Variants in RPL28 observed in about 807,000 individuals in gnomAD.
RPL28 encodes ribosomal protein L28.
In RPL28, 4 loss-of-function variants were observed where a neutral mutation model predicts 12.5. The observed-to-expected ratio is 0.32, with a 90% CI of 0.16 to 0.73. The LOEUF is 0.73. Ranked by LOEUF, RPL28 falls within the 30% of genes least tolerant of loss-of-function variation. The probability of loss-of-function intolerance (pLI) is 0.66; values close to 1 mark genes in which losing one functional copy is unlikely to be tolerated. For synonymous variants in RPL28, 91 were observed against 72.5 expected, an observed-to-expected ratio of 1.26 and a Z score of -1.30; for missense variants, 214 against 197.7, an observed-to-expected ratio of 1.08 and a Z score of -0.49.
rs372114808 is a variant in RPL28, at chr19:55,391,917, G to A, written c.*3585G>A. 5.9e-5 allele frequency: 77 copies of A among 1,297,804 alleles called. No individual in the cohort carries two copies. Among genetic ancestry groups the A allele is most frequent in the Non-Finnish European group, 7.2e-5 (73 of 1,018,236 alleles). 80.4% of individuals were successfully genotyped at this position (1,297,804 alleles called of 1,614,324 possible). On this transcript the variant is annotated 3_prime_UTR_variant, in exon 5 of 5. Transcript: ENST00000344063. ...TGCCTGGTGGCTCCAGGTCTGCCCCGCCGTCCTGTGGGGCTGTGAGCTTTC... is the reference window on the plus strand; with the variant it reads ...TGCCTGGTGGCTCCAGGTCTGCCCCACCGTCCTGTGGGGCTGTGAGCTTTC...
chr19:55,392,091 C>A (rs2089995234), downstream of RPL28: 1 of 999,642 alleles, frequency 1.0e-6, no homozygotes, highest in Non-Finnish European at 1.2e-6. Flanking sequence ...TAAAATCTTT[C>A]ATTATGAAAT....
chr19:55,401,360 T>A, intron 4 of RPL28: 1 of 1,040,628 alleles, frequency 9.6e-7, no homozygotes, highest in Non-Finnish European at 1.4e-6. Context: ...AGCCATAATT[T>A]AAATAACTTA....
At chr19:55,396,276 A>T (rs1349338529), downstream of RPL28, among the ~76,000 whole-genome samples, 1 of 151,838 alleles carries the variant, frequency 6.6e-6, no homozygotes, top group Non-Finnish European at 1.5e-5. Context: ...TGTAAAAAAA[A>T]AAAAACTTTA....
At position 55,390,728 on chromosome 19, in the gene RPL28, G is replaced by T. The variant is rs868619287; in HGVS notation, c.*2396G>T. Reference sequence around the variant, plus strand: ...CTGTCTGTGTGGCTGGGCTGGGGAGGCCACGTCTGGTATCTGAATGCTATC... The same window carrying T: ...CTGTCTGTGTGGCTGGGCTGGGGAGTCCACGTCTGGTATCTGAATGCTATC... On this transcript the variant is annotated 3_prime_UTR_variant, in exon 5 of 5. Coordinates refer to ENST00000344063, the MANE Select transcript of RPL28 (RefSeq NM_000991.5). 8.1e-6 allele frequency: 8 copies of T among 985,488 alleles called. No homozygotes were observed. Among genetic ancestry groups the T allele is most frequent in the Middle Eastern group, 1.0e-3 (2 of 1,916 alleles). The allele number at this position is 985,488 out of a possible 1,614,324, so 61.0% of individuals were successfully genotyped here.
In RPL28 at chr19:55,391,919, C is replaced by T. The variant is rs1190798442; in HGVS notation, c.*3587C>T. The T allele has an allele frequency of 8.1e-5, 105 of 1,290,354 alleles. No homozygotes were observed. In the East Asian group the frequency reaches 1.3e-3, roughly 15 times the overall value. The allele number at this position is 1,290,354 out of a possible 1,614,324, so 79.9% of individuals were successfully genotyped here. On this transcript the variant is annotated 3_prime_UTR_variant, in exon 5 of 5. Coordinates refer to ENST00000344063, the MANE Select transcript of RPL28 (RefSeq NM_000991.5). ...CCTGGTGGCTCCAGGTCTGCCCCGCCGTCCTGTGGGGCTGTGAGCTTTCCC... is the reference window on the plus strand; with the variant it reads ...CCTGGTGGCTCCAGGTCTGCCCCGCTGTCCTGTGGGGCTGTGAGCTTTCCC...
At chr19:55,394,279 CAAAAAG>C (rs986884085), downstream of RPL28, among the ~76,000 whole-genome samples, 13 of 152,202 alleles carry the variant, frequency 8.5e-5, no homozygotes, top group Middle Eastern at 3.4e-3. Flanking sequence ...AACAAACAAA[CAAAAAG>C]ATAAAGGTCT....
At chr19:55,393,631 G>GTTTTTTTT (rs890657595), downstream of RPL28, among the ~76,000 whole-genome samples, 1 of 114,624 alleles carries the variant, frequency 8.7e-6, no homozygotes, top group African/African-American at 3.4e-5. Context: ...TCACCAATTT[G>GTTTTTTTT]TTTTTTTTTT....
chr19:55,396,003 C>T (rs893052079), downstream of RPL28, among the ~76,000 whole-genome samples: 1 of 152,016 alleles, frequency 6.6e-6, no homozygotes, highest in African/African-American at 2.4e-5. Flanking sequence ...TTTGTCTGAG[C>T]GCGGTGGCAC....
In RPL28 at chr19:55,386,798, G is replaced by T. The variant is rs765988624; in HGVS notation, c.205+105G>T. Reference sequence around the variant, plus strand: ...AGAGCGGTAACTGCCATCGCGGCGGGCATCCCTGGCGCCAGGGTGTTGGTC... The same window carrying T: ...AGAGCGGTAACTGCCATCGCGGCGGTCATCCCTGGCGCCAGGGTGTTGGTC... On this transcript the variant is annotated intron_variant, in intron 3 of 4. Coordinates refer to ENST00000344063, the MANE Select transcript of RPL28 (RefSeq NM_000991.5). The T allele has an allele frequency of 1.9e-6, 3 of 1,607,062 alleles. No individual in the cohort carries two copies. In the South Asian group the frequency reaches 3.3e-5, roughly 18 times the overall value.
At chr19:55,393,509 T>C (rs950505757), downstream of RPL28, among the ~76,000 whole-genome samples, 2 of 152,148 alleles carry the variant, frequency 1.3e-5, no homozygotes, top group Non-Finnish European at 2.9e-5. Context: ...CACAAAGCTT[T>C]GCAACCACAA....
In RPL28 at chr19:55,389,831, C is replaced by T. The variant is rs562407720; in HGVS notation, c.*1499C>T. 3 of 984,646 alleles carry T rather than the reference C, an allele frequency of 3.0e-6. No homozygotes were observed. Among genetic ancestry groups the T allele is most frequent in the Non-Finnish European group, 1.2e-6 (1 of 829,418 alleles). The allele number at this position is 984,646 out of a possible 1,614,324, so 61.0% of individuals were successfully genotyped here. ...CTGCTCAGGACCCCCCGCACTGTCC[C>T]AATCCCACTCAGGCCCACCTCCAGC... On this transcript the variant is annotated 3_prime_UTR_variant, in exon 5 of 5. Coordinates refer to ENST00000344063, the MANE Select transcript of RPL28 (RefSeq NM_000991.5).
chr19:55,387,818 C>T lies in RPL28; in HGVS notation c.206-112C>T, dbSNP rs532994377. The T allele has an allele frequency of 7.1e-5, 104 of 1,472,542 alleles. 2 individuals are homozygous for T. In the South Asian group the frequency reaches 1.5e-3, roughly 21 times the overall value. The allele number at this position is 1,472,542 out of a possible 1,614,324, so 91.2% of individuals were successfully genotyped here. A position where few individuals can be genotyped will look rare whatever the true frequency, so the allele number is the denominator to read the frequency against. On this transcript the variant is annotated intron_variant, in intron 3 of 4. Transcript: ENST00000344063. ...ACCTGCTGGCCTGCCCAGGCACCCG[C>T]CACGGGCCCACGCTGCTCAGCTTCT...
In RPL28 at chr19:55,389,322, C is replaced by T. The variant is rs980029736; in HGVS notation, c.*990C>T. On this transcript the variant is annotated 3_prime_UTR_variant, in exon 5 of 5. Transcript: ENST00000344063. ...TGCAGTGAGCCCATGAGCCCCACCA[C>T]TACACTCCAGCCTGGAAGACACCAT... The T allele has an allele frequency of 7.2e-6, 7 of 978,000 alleles. No homozygotes were observed. Among genetic ancestry groups the T allele is most frequent in the African/African-American group, 1.8e-5 (1 of 56,348 alleles). The allele number at this position is 978,000 out of a possible 1,614,324, so 60.6% of individuals were successfully genotyped here. A position where few individuals can be genotyped will look rare whatever the true frequency, so the allele number is the denominator to read the frequency against.
chr19:55,389,845 C>T lies in RPL28; in HGVS notation c.*1513C>T. On this transcript the variant is annotated 3_prime_UTR_variant, in exon 5 of 5. Transcript: ENST00000344063. ...CCGCACTGTCCCAATCCCACTCAGG[C>T]CCACCTCCAGCTGGCCTCACTCCGC... 1 of 984,296 alleles carries T rather than the reference C, an allele frequency of 1.0e-6. No individual in the cohort carries two copies. The highest frequency in any genetic ancestry group is 1.2e-6 in the Non-Finnish European group (1 of 828,978). 61.0% of individuals were successfully genotyped at this position (984,296 alleles called of 1,614,324 possible). A position where few individuals can be genotyped will look rare whatever the true frequency, so the allele number is the denominator to read the frequency against.
chr19:55,391,374 A>C lies in RPL28; in HGVS notation c.*3042A>C, dbSNP rs1413549781. The C allele has an allele frequency of 8.1e-7, 1 of 1,237,156 alleles. No individual in the cohort carries two copies. Among genetic ancestry groups the C allele is most frequent in the African/African-American group, 1.5e-5 (1 of 64,650 alleles). 76.6% of individuals were successfully genotyped at this position (1,237,156 alleles called of 1,614,324 possible). ...TTTTGAGTGCCTTTCACAGCCCTGC[A>C]TAAGGCAGGTGTCTCAGTGTTCACT... On this transcript the variant is annotated 3_prime_UTR_variant, in exon 5 of 5. Transcript: ENST00000344063.
At position 55,391,576 on chromosome 19, in the gene RPL28, C is replaced by T. The variant is rs1467139681; in HGVS notation, c.*3244C>T. On this transcript the variant is annotated 3_prime_UTR_variant, in exon 5 of 5. Coordinates refer to ENST00000344063, the MANE Select transcript of RPL28 (RefSeq NM_000991.5). ...CAGGACATGCTGGCATCTACTGGGTCAGGGCTCTGCTGCTCGGTGGCTGTG... is the reference window on the plus strand; with the variant it reads ...CAGGACATGCTGGCATCTACTGGGTTAGGGCTCTGCTGCTCGGTGGCTGTG... 3 of 1,545,210 alleles carry T rather than the reference C, an allele frequency of 1.9e-6. No homozygotes were observed. Among genetic ancestry groups the T allele is most frequent in the East Asian group, 2.5e-5 (1 of 40,750 alleles).
chr19:55,402,958 G>A, exon 5 of RPL28: 1 of 1,533,610 alleles, frequency 6.5e-7, no homozygotes, highest in African/African-American at 1.4e-5. Flanking sequence ...GGGAAGGGTT[G>A]GGAGGCAGCA....
chr19:55,387,365 C>G lies in RPL28; in HGVS notation c.206-565C>G, dbSNP rs1433545007. The G allele has an allele frequency of 1.9e-6, 3 of 1,551,452 alleles. No homozygotes were observed. The East Asian group carries it at 7.3e-5, about 38-fold the overall frequency. On this transcript the variant is annotated intron_variant, in intron 3 of 4. Transcript: ENST00000344063. ...ACTCAGTGGCAGCAACAAACGCAGT[C>G]TGTTGGCTAGTGATCCTCCTGTCTC...
downstream of RPL28, among the ~76,000 whole-genome samples, chr19:55,395,668 C>A (rs1180529964): frequency 6.7e-6 from 1 of 150,164 alleles, no homozygotes; most frequent in Non-Finnish European, 1.5e-5. Context: ...TGGTCTCAAT[C>A]TCCTGACCTT....
Sources: allele counts gnomAD v4.1 joint callset (sites outside exome capture counted in the v4.1 genomes callset), GRCh38; gene constraint gnomAD v4.1.1; transcripts MANE v1.5; gene names NCBI Gene and HGNC (gene_info 2026-07-23, HGNC 2026-07-21).